Variants in SETD9 observed in about 807,000 individuals in gnomAD.
SETD9 encodes the protein SET domain-containing protein 9.
A neutral mutation model predicts 36.4 loss-of-function variants in SETD9; 37 were observed. The observed-to-expected ratio is 1.02, with a 90% CI of 0.78 to 1.34. SETD9 has a LOEUF of 1.34. Ranked by LOEUF, SETD9 falls within the 40% of genes most tolerant of loss-of-function variation. The pLI, the probability that SETD9 is intolerant of heterozygous loss-of-function variation, is 0.00. For missense variants in SETD9, 323 were observed against 353.2 expected, an observed-to-expected ratio of 0.91 and a Z score of 0.69; for synonymous variants, 128 against 132.9, an observed-to-expected ratio of 0.96 and a Z score of 0.26.
chr5:56,913,808 G>A, intron 3 of SETD9, 66 bp from the exon 4 acceptor site: 1 of 970,646 alleles, frequency 1.0e-6, no homozygotes, highest in South Asian at 1.6e-5. Flanking sequence ...GTAATTCTAG[G>A]GTTTTGTATT....
downstream of SETD9, chr5:56,921,515 G>C (rs557794986): frequency 6.6e-6 from 1 of 152,518 alleles, no homozygotes; most frequent in Admixed American, 6.5e-5. Context: ...GTGCTACTGC[G>C]TAAACACTTC....
chr5:56,924,694 C>T (rs1749872718), intron 5 of SETD9, among the ~76,000 whole-genome samples: 2 of 152,104 alleles, frequency 1.3e-5, no homozygotes, highest in Non-Finnish European at 2.9e-5. Context: ...TTGAGCCTCA[C>T]CACCTTGGCT....
At chr5:56,921,612 A>G (rs1174914324), downstream of SETD9, 3 of 152,646 alleles carry the variant, frequency 2.0e-5, no homozygotes, top group Non-Finnish European at 4.4e-5. Context: ...CACAGTTTGT[A>G]TAATAAATAC....
chr5:56,914,855 TC>T lies in SETD9; in HGVS notation c.707-4del. 1 of 1,586,224 alleles carries T rather than the reference TC, an allele frequency of 6.3e-7. No individual in the cohort carries two copies. The highest frequency in any genetic ancestry group is 1.3e-5 in the African/African-American group (1 of 74,692). The stretch of plus-strand genomic sequence containing the variant: ...CTTTTTCTAAAAATGATGTGCTTGT[TC>T]CTAGACAGAGCAGCTAATGTCTGTT... On this transcript the variant is annotated splice_region_variant and splice_polypyrimidine_tract_variant and intron_variant, in intron 4 of 5. Coordinates refer to ENST00000285947, the MANE Select transcript of SETD9 (RefSeq NM_153706.4).
At chr5:56,923,499 G>A (rs757618996) in intron 5 of SETD9, 25 of 1,614,010 alleles carry the variant, frequency 1.5e-5, no homozygotes, top group East Asian at 2.2e-5. Context: ...ACTTGTCCAC[G>A]GGGTGTGTTG....
chr5:56,928,069 A>T (rs562349732), downstream of SETD9: 5 of 152,148 alleles, frequency 3.3e-5, no homozygotes, highest in Admixed American at 6.5e-5. Flanking sequence ...AGTGCTGAAT[A>T]ATAGTCCAGT....
chr5:56,923,606 G>C lies in SETD9; in HGVS notation c.813-1727G>C, dbSNP rs571128483. 3 of 1,611,386 alleles carry C rather than the reference G, an allele frequency of 1.9e-6. No individual in the cohort carries two copies. The East Asian group carries it at 6.7e-5, about 36-fold the overall frequency. On this transcript the variant is annotated intron_variant, in intron 5 of 5. Transcript: ENST00000628593. ...CAAAGCTAAAAAGGAATGGAAAATT[G>C]TTTAAGTAAGTGGTCCTATGACATC...
downstream of SETD9, among the ~76,000 whole-genome samples, chr5:56,918,849 A>C (rs558947218): frequency 3.4e-4 from 52 of 152,342 alleles, 1 homozygote; most frequent in South Asian, 0.01. Context: ...TGGTCAGAGG[A>C]AATGAAATAT....
rs771206561 is a variant in SETD9, at chr5:56,911,487, C to A, written c.417C>A (p.Phe139Leu). The A allele has an allele frequency of 6.2e-7, 1 of 1,602,106 alleles. No homozygotes were observed. Among genetic ancestry groups the A allele is most frequent in the South Asian group, 1.1e-5 (1 of 88,822 alleles). ...TGATTTCTGCTGGAAAAGGTGTCTT[C>A]GTTACTAAAGGATTGGTACCAAAAG... is the stretch of plus-strand genomic sequence containing the variant. ...SSLISAGKGV[F>L]VTKGLVPKGA... is the part of the protein sequence containing the mutation. The change falls in exon 2 of 6, where the codon TTC becomes TTA. Residue 139 changes from phenylalanine (F) to leucine (L), a missense_variant. Transcript: ENST00000285947.
chr5:56,924,132 C>T, intron 5 of SETD9: 1 of 1,273,990 alleles, frequency 7.8e-7, no homozygotes. Context: ...AACTTCAATC[C>T]ATGGGTCTTA....
At chr5:56,926,189 AT>A (rs754337300), downstream of SETD9, among the ~76,000 whole-genome samples, 1 of 152,156 alleles carries the variant, frequency 6.6e-6, no homozygotes, top group Non-Finnish European at 1.5e-5. Context: ...AGGTTTGGCA[AT>A]GATTTTTTTA....
intron 2 of SETD9, among the ~76,000 whole-genome samples, chr5:56,912,483 A>C (rs1443180778): frequency 6.6e-6 from 1 of 152,202 alleles, no homozygotes; most frequent in Non-Finnish European, 1.5e-5. Flanking sequence ...TTTTGTAAAG[A>C]CTAAATAGAA....
At chr5:56,920,081 A>T (rs1246216052), downstream of SETD9, 2 of 152,624 alleles carry the variant, frequency 1.3e-5, no homozygotes, top group African/African-American at 4.8e-5. Flanking sequence ...TAGTATCACT[A>T]TGCTCTATTA....
intron 1 of SETD9, chr5:56,910,198 T>C: frequency 4.0e-6 from 5 of 1,251,574 alleles, no homozygotes; most frequent in Non-Finnish European, 5.2e-6. Flanking sequence ...CGTGGCTTTT[T>C]CTCCACCAGG....
At chr5:56,915,756 G>C (rs1269051903) in intron 5 of SETD9, among the ~76,000 whole-genome samples, 2 of 152,092 alleles carry the variant, frequency 1.3e-5, no homozygotes, top group South Asian at 2.1e-4. Context: ...TTGAGCACAG[G>C]AATTCGAAAC....
At chr5:56,911,824 T>G (rs888289914) in intron 2 of SETD9, among the ~76,000 whole-genome samples, 1 of 152,194 alleles carries the variant, frequency 6.6e-6, no homozygotes, top group Non-Finnish European at 1.5e-5. Context: ...GACAAATTAC[T>G]TAAAAAGCAC....
intron 2 of SETD9, chr5:56,912,039 C>T (rs1206470434): frequency 4.6e-6 from 1 of 217,756 alleles, no homozygotes; most frequent in African/African-American, 2.4e-5. Context: ...CCTGTAATCC[C>T]AGCTATTCAG....
intron 2 of SETD9, 119 bp from the exon 3 acceptor site, chr5:56,912,892 G>A (rs1749218754): frequency 6.4e-6 from 7 of 1,090,434 alleles, no homozygotes; most frequent in Admixed American, 4.4e-5. Context: ...GGGCGTTCAC[G>A]CTTTAAGAGG....
At chr5:56,923,148 C>A (rs559901169) in intron 5 of SETD9, 1 of 1,613,738 alleles carries the variant, frequency 6.2e-7, no homozygotes, top group Admixed American at 1.7e-5. Flanking sequence ...TGTAGGGCCG[C>A]GTGCTGATGC....
Sources: allele counts gnomAD v4.1 joint callset (sites outside exome capture counted in the v4.1 genomes callset), GRCh38; gene constraint gnomAD v4.1.1; transcripts MANE v1.5; gene names NCBI Gene and HGNC (gene_info 2026-07-23, HGNC 2026-07-21).